The following KRT15 variants were observed in gnomAD, a reference collection of about 807,000 sequenced individuals.
The protein encoded by KRT15 is keratin 15, also known as keratin, type I cytoskeletal 15.
Under a neutral mutation model 46.6 loss-of-function variants are expected in KRT15, and 45 were observed. The observed-to-expected ratio is 0.97, with a 90% CI of 0.76 to 1.24. The LOEUF (loss-of-function observed/expected upper bound fraction) is 1.24. KRT15 is among the 50% of genes most tolerant of loss of function. KRT15 has a pLI of 0.00. For synonymous variants in KRT15, 221 were observed against 233.8 expected (o/e 0.95, Z 0.50); for missense variants, 592 against 588.9 (o/e 1.01, Z -0.05).
chr17:41,517,309 T>C, intron 1 of KRT15, 144 bp from the exon 2 acceptor site: 1 of 690,958 alleles, frequency 1.4e-6, no homozygotes, highest in South Asian at 1.8e-5. Flanking sequence ...TCTGTACGGC[T>C]TCTGGGGTGG....
In KRT15 at chr17:41,518,832, A is replaced by C. The variant is rs780362795; in HGVS notation, c.-5T>G. On this transcript the variant is annotated 5_prime_UTR_variant, in exon 1 of 8. Transcript: ENST00000254043. ...TTGCAGAAATGTGGTGGTCATGGCC[A>C]GGTAGCTGGAGCCCGTGAGTTCTCA... 1 of 1,530,640 alleles carries C rather than the reference A, an allele frequency of 6.5e-7. No individual in the cohort carries two copies. Among genetic ancestry groups the C allele is most frequent in the Non-Finnish European group, 8.7e-7 (1 of 1,144,384 alleles). The allele number at this position is 1,530,640 out of a possible 1,614,324, so 94.8% of individuals were successfully genotyped here. A position where few individuals can be genotyped will look rare whatever the true frequency, so the allele number is the denominator to read the frequency against.
chr17:41,517,503 C>T lies in KRT15; in HGVS notation c.499-338G>A, dbSNP rs750336018. On this transcript the variant is annotated intron_variant, in intron 1 of 7. Coordinates refer to ENST00000254043, the MANE Select transcript of KRT15 (RefSeq NM_002275.4). ...GGTGCAGCCAGCTCTGACAATAGCT[C>T]TCTCAGAGACACTCCACCAGCCCCA... 32 of 341,022 alleles carry T rather than the reference C, an allele frequency of 9.4e-5. 1 individual carries two copies. The highest frequency in any genetic ancestry group is 8.9e-4 in the East Asian group (13 of 14,686). The allele number at this position is 341,022 out of a possible 1,614,324, so 21.1% of individuals were successfully genotyped here. A position where few individuals can be genotyped will look rare whatever the true frequency, so the allele number is the denominator to read the frequency against.
intron 1 of KRT15, 182 bp from the exon 2 acceptor site, chr17:41,517,347 C>T (rs1905436647): frequency 1.3e-5 from 8 of 607,040 alleles, no homozygotes; most frequent in Admixed American, 5.8e-5. Context: ...TTTCAGTGTC[C>T]ATTTCTTGTT....
rs779872396 is a variant in KRT15 at position 41,516,817 on chromosome 17, G to T, written c.729C>A (p.Asn243Lys). ...LNEELAYLKK[N>K]HEEEMKEFSS... ...GGGGGCCAGCTCTCACCTCTTCGTGGTTCTTCTTCAGGTAGGCTAGCTCCT... is the reference window on the plus strand; with the variant it reads ...GGGGGCCAGCTCTCACCTCTTCGTGTTTCTTCTTCAGGTAGGCTAGCTCCT... The change falls in exon 3 of 8, where the codon AAC (asparagine) becomes AAA (lysine). Residue 243 changes from asparagine to lysine, a missense_variant. Asn to Lys is a moderately conservative substitution (Grantham distance 94). Transcript: ENST00000254043. 1 of 1,614,164 alleles carries T rather than the reference G, an allele frequency of 6.2e-7. No homozygotes were observed. The highest frequency in any genetic ancestry group is 1.7e-5 in the Admixed American group (1 of 60,022).
At position 41,513,791 on chromosome 17, in the gene KRT15, T is replaced by C. The variant is rs547069520; in HGVS notation, c.*232A>G. ...TTCTTTATTACATGAACAGACACTG[T>C]ACAAATGAGCTTGTTACACAATACA... On this transcript the variant is annotated 3_prime_UTR_variant, in exon 8 of 8. Coordinates refer to ENST00000254043, the MANE Select transcript of KRT15 (RefSeq NM_002275.4). 2.9e-5 allele frequency: 15 copies of C among 520,882 alleles called. No individual in the cohort carries two copies. The highest frequency in any genetic ancestry group is 1.7e-4 in the African/African-American group (9 of 52,204). The allele number at this position is 520,882 out of a possible 1,614,324, so 32.3% of individuals were successfully genotyped here.
At chr17:41,514,350 T>G in intron 7 of KRT15, 1 of 600,790 alleles carries the variant, frequency 1.7e-6, no homozygotes, top group African/African-American at 1.9e-5. Flanking sequence ...TTTTTCAAGC[T>G]GCACATGAAG....
rs1257110780 is a variant in KRT15 at position 41,515,531 on chromosome 17, C to A, written c.1188G>T (p.Lys396Asn). 6.2e-7 allele frequency: 1 copy of A among 1,614,088 alleles called. No individual in the cohort carries two copies. Among genetic ancestry groups the A allele is most frequent in the South Asian group, 1.1e-5 (1 of 91,084 alleles). The change falls in exon 6 of 8, where the codon AAG (lysine) becomes AAT (asparagine). Residue 396 changes from lysine to asparagine, a missense_variant. Transcript: ENST00000254043. ...NQEYKMLLDI[K>N]TRLEQEIATY... ...TAGCGATCTCCTGCTCCAGCCGTGT[C>A]TTTATGTCAAGCAGCATCTTGTACT...
intron 6 of KRT15, 77 bp downstream of exon 6, chr17:41,515,395 G>T: frequency 7.8e-7 from 1 of 1,276,078 alleles, no homozygotes. Context: ...GGGACACCCT[G>T]CCATTCCCTT....
rs757661638 is a variant in KRT15 at position 41,518,376 on chromosome 17, C to A, written c.452G>T (p.Cys151Phe). 6.8e-6 allele frequency: 11 copies of A among 1,614,108 alleles called. No individual in the cohort carries two copies. The East Asian group carries it at 1.1e-4, about 16-fold the overall frequency. ...YQKQTPTSPE[C>F]DYSQYFKTIE... The stretch of plus-strand genomic sequence containing the variant: ...GGTCTTGAAGTATTGGCTGTAGTCG[C>A]ATTCTGGGCTGGTTGGGGTCTGCTT... The change falls in exon 1 of 8, where the codon TGC becomes TTC. Residue 151 changes from cysteine to phenylalanine, a missense_variant. Transcript: ENST00000254043.
Position 41,515,925 on chromosome 17 carries a change from A to C in KRT15, c.986T>G (p.Met329Arg). 1.3e-5 allele frequency: 21 copies of C among 1,614,118 alleles called. No individual in the cohort carries two copies. Among genetic ancestry groups the C allele is most frequent in the Non-Finnish European group, 1.8e-5 (21 of 1,180,002 alleles). ...KTEITDLRRT[M>R]QELEIELQSQ... is the part of the protein sequence containing the mutation. ...CTGCAGCTCGATCTCCAGCTCCTGC[A>C]TCGTGCGTCTCAGGTCTGTGATCTC... The change falls in exon 5 of 8, where the codon ATG becomes AGG. Residue 329 changes from methionine to arginine, a missense_variant. Met to Arg is a moderately conservative substitution (Grantham distance 91). Coordinates refer to ENST00000254043, the MANE Select transcript of KRT15 (RefSeq NM_002275.4).
chr17:41,515,599 G>A lies in KRT15; in HGVS notation c.1120C>T (p.Gln374Ter). The change falls in exon 6 of 8, where the codon CAG (glutamine) becomes TAG (stop). Residue 374 changes from glutamine to a stop codon, truncating the protein, a stop_gained. Coordinates refer to ENST00000254043, the MANE Select transcript of KRT15 (RefSeq NM_002275.4). LOFTEE classifies it high-confidence loss of function. ...IQGLIGGLEA[Q>*]LSELRCEMEA... Reference sequence around the variant, plus strand: ...ATCTCGCATCGGAGCTCACTCAGCTGGGCCTCCAGGCCACCAATGAGCCCC... The same window carrying A: ...ATCTCGCATCGGAGCTCACTCAGCTAGGCCTCCAGGCCACCAATGAGCCCC... 1 of 1,614,168 alleles carries A rather than the reference G, an allele frequency of 6.2e-7. No homozygotes were observed. The highest frequency in any genetic ancestry group is 8.5e-7 in the Non-Finnish European group (1 of 1,180,030).
In KRT15 at chr17:41,516,789, G is replaced by A; in HGVS notation, c.738+19C>T. On this transcript the variant is annotated intron_variant, in intron 3 of 7. Coordinates refer to ENST00000254043, the MANE Select transcript of KRT15 (RefSeq NM_002275.4). ...CCCCACCTCTCTCGGGTTCAGGGGT[G>A]ATGGGGGCCAGCTCTCACCTCTTCG... The A allele has an allele frequency of 6.2e-7, 1 of 1,613,798 alleles. No homozygotes were observed. The highest frequency in any genetic ancestry group is 8.5e-7 in the Non-Finnish European group (1 of 1,179,760).
chr17:41,518,178 G>GTC, intron 1 of KRT15, 152 bp downstream of exon 1: 1 of 815,566 alleles, frequency 1.2e-6, no homozygotes, highest in Non-Finnish European at 1.9e-6. Flanking sequence ...CACCTGGACA[G>GTC]CAGGTGCATT....
Position 41,516,153 on chromosome 17 carries a change from G to T in KRT15, c.851C>A (p.Ala284Asp), listed in dbSNP as rs776670190. 8 of 1,614,180 alleles carry T rather than the reference G, an allele frequency of 5.0e-6. No homozygotes were observed. The highest frequency in any genetic ancestry group is 6.8e-6 in the Non-Finnish European group (8 of 1,180,038). ...ATCCCGGCGGTTCTTCTCCGCCATG[G>T]CCTCGTACTGCTCCCTCATCTCTGC... ...VLAEMREQYE[A>D]MAEKNRRDVE... Residue 284 changes from alanine to aspartate, a missense_variant, in exon 4 of 8, where the codon GCC becomes GAC. Coordinates refer to ENST00000254043, the MANE Select transcript of KRT15 (RefSeq NM_002275.4).
chr17:41,516,261 A>G lies in KRT15; in HGVS notation c.743T>C (p.Met248Thr). Residue 248 changes from methionine to threonine, a missense_variant, in exon 4 of 8, where the codon ATG (methionine) becomes ACG (threonine). By Grantham distance (81) the Met-to-Thr change is moderately conservative. Coordinates refer to ENST00000254043, the MANE Select transcript of KRT15 (RefSeq NM_002275.4). ...AYLKKNHEEE[M>T]KEFSSQLAGQ... ...GGCCAGCTGGCTGCTGAACTCCTTC[A>G]TCTCCTGCAGGATGGGAGGGACCCA... is the stretch of plus-strand genomic sequence containing the variant. 6.2e-7 allele frequency: 1 copy of G among 1,612,822 alleles called. No individual in the cohort carries two copies. Among genetic ancestry groups the G allele is most frequent in the South Asian group, 1.1e-5 (1 of 91,040 alleles).
chr17:41,517,416 C>T (rs952975291), intron 1 of KRT15: 24 of 515,714 alleles, frequency 4.7e-5, no homozygotes, highest in East Asian at 7.1e-5. Context: ...CTCCAGGGCA[C>T]GAAAGACCAA....
In KRT15 at chr17:41,514,099, C is replaced by T. The variant is rs1450710719; in HGVS notation, c.1295G>A (p.Ser432Asn). ...TACATTGATGTGGAAATTGCTGCTG[C>T]TACCACCACCTCCTGAAGAGGCTAG... Reference protein sequence around the residue: ...IREASSGGGGSSSNFHINVEE... With the variant: ...IREASSGGGGNSSNFHINVEE... The change falls in exon 8 of 8, where the codon AGC becomes AAC. Residue 432 changes from serine to asparagine, a missense_variant. Transcript: ENST00000254043. 6.2e-7 allele frequency: 1 copy of T among 1,613,848 alleles called. No homozygotes were observed. Among genetic ancestry groups the T allele is most frequent in the African/African-American group, 1.3e-5 (1 of 74,934 alleles).
intron 3 of KRT15, 38 bp downstream of exon 3, chr17:41,516,770 C>T (rs540316001): frequency 1.2e-5 from 20 of 1,609,820 alleles, no homozygotes; most frequent in South Asian, 7.7e-5. Flanking sequence ...GGTTCCCCAC[C>T]TCTCTCGGGT....
intron 1 of KRT15, 25 bp downstream of exon 1, chr17:41,518,305 C>T (rs1217046367): frequency 1.3e-6 from 2 of 1,597,332 alleles, no homozygotes; most frequent in South Asian, 2.3e-5. Context: ...ACCTGCTCCC[C>T]TCTCTTTGAC....
Sources: gnomAD v4.1 joint callset for allele counts on GRCh38, gnomAD v4.1.1 for gene constraint, MANE v1.5 for transcripts, NCBI Gene and HGNC (gene_info 2026-07-23, HGNC 2026-07-21) for gene names.